ARL15: variants seen among roughly 807,000 people sequenced by gnomAD.
The protein encoded by ARL15 is ARF like GTPase 15.
Under a neutral mutation model 25.2 loss-of-function variants are expected in ARL15, and 19 were observed. That is an observed-to-expected ratio of 0.75 (90% CI 0.53 to 1.10). ARL15 has a LOEUF of 1.10. ARL15 is among the 50% of genes least tolerant of loss of function. The pLI is 0.00. For synonymous variants in ARL15, 94 were observed against 86.8 expected (o/e 1.08, Z -0.46); for missense variants, 220 against 246.0 (o/e 0.89, Z 0.71).
At chr5:53,975,364 T>C (rs966784217) in intron 4 of ARL15, among the ~76,000 whole-genome samples, 2 of 152,216 alleles carry the variant, frequency 1.3e-5, no homozygotes, top group Non-Finnish European at 2.9e-5. Context: ...GTTTCATTAA[T>C]CTAAGCACTG....
At chr5:54,193,457 T>C (rs1297761936) in intron 1 of ARL15, among the ~76,000 whole-genome samples, 2 of 152,198 alleles carry the variant, frequency 1.3e-5, no homozygotes, top group African/African-American at 2.4e-5. Flanking sequence ...GGGAGCATTG[T>C]GGCTTGAGCT....
At chr5:54,063,640 C>A (rs1215550637) in intron 4 of ARL15, among the ~76,000 whole-genome samples, 3 of 152,112 alleles carry the variant, frequency 2.0e-5, no homozygotes. Flanking sequence ...GAACTCATTT[C>A]TTGTTATTAT....
rs574987588 is a variant in ARL15 at position 53,891,311 on chromosome 5, T to TTA, written c.463-4600_463-4599dup. On this transcript the variant is annotated intron_variant, in intron 4 of 4. Coordinates refer to ENST00000504924, the MANE Select transcript of ARL15 (RefSeq NM_019087.3). ...AGAGTCATGTTCTCAGCTCAGATAT[T>TTA]TATAAACAGAGCTTTGACCCACAAG... Among the ~76,000 whole-genome samples, 30 of 152,198 alleles carry TTA rather than the reference T, an allele frequency of 2.0e-4. No homozygotes were observed. The East Asian group carries it at 5.0e-3, about 26-fold the overall frequency.
chr5:54,230,480 C>T (rs1756641102), intron 1 of ARL15, among the ~76,000 whole-genome samples: 1 of 152,050 alleles, frequency 6.6e-6, no homozygotes, highest in Non-Finnish European at 1.5e-5. Context: ...CAAAGACATG[C>T]ACCCAGATGC....
chr5:54,242,111 G>C (rs1021217022), intron 1 of ARL15, among the ~76,000 whole-genome samples: 6 of 152,046 alleles, frequency 3.9e-5, no homozygotes, highest in African/African-American at 1.4e-4. Context: ...CCTCCTGAGG[G>C]ACCTATGTGC....
At chr5:54,165,058 A>G (rs1460304499) in intron 2 of ARL15, among the ~76,000 whole-genome samples, 1 of 151,816 alleles carries the variant, frequency 6.6e-6, no homozygotes, top group Non-Finnish European at 1.5e-5. Context: ...TAGGGTTTAC[A>G]GTAAATCTTT....
At chr5:53,954,282 T>A (rs1360117905) in intron 4 of ARL15, among the ~76,000 whole-genome samples, 1 of 152,152 alleles carries the variant, frequency 6.6e-6, no homozygotes, top group Non-Finnish European at 1.5e-5. Flanking sequence ...GCTGTATATA[T>A]CCTCTCCATC....
chr5:54,258,391 C>T (rs968679848), intron 1 of ARL15, among the ~76,000 whole-genome samples: 4 of 152,270 alleles, frequency 2.6e-5, no homozygotes, highest in East Asian at 3.9e-4. Flanking sequence ...CAAGTTTTCA[C>T]ATTATTCACG....
chr5:54,184,452 AAAAAAAAAAAAAAAAAAAG>A (rs1283572036), intron 1 of ARL15, among the ~76,000 whole-genome samples: 1 of 75,846 alleles, frequency 1.3e-5, no homozygotes, highest in African/African-American at 7.7e-5. Context: ...AAAAAAAAAA[AAAAAAAAAAAAAAAAAAAG>A]AGAGAGAGAG....
intron 3 of ARL15, among the ~76,000 whole-genome samples, chr5:54,121,242 G>A (rs1384343186): frequency 1.3e-5 from 2 of 152,094 alleles, no homozygotes; most frequent in Non-Finnish European, 2.9e-5. Flanking sequence ...TGCAATATAT[G>A]ACTGCACTCA....
chr5:53,935,475 C>T (rs1746324443), intron 4 of ARL15, among the ~76,000 whole-genome samples: 3 of 152,220 alleles, frequency 2.0e-5, no homozygotes. Context: ...TGTTTCAGTA[C>T]AGTTGGTGGA....
chr5:54,280,383 A>G (rs1416451883), intron 1 of ARL15, among the ~76,000 whole-genome samples: 1 of 152,254 alleles, frequency 6.6e-6, no homozygotes, highest in Non-Finnish European at 1.5e-5. Flanking sequence ...AACCGGGGAC[A>G]AATACTCATC....
chr5:53,927,114 C>A (rs948253130), intron 4 of ARL15, among the ~76,000 whole-genome samples: 3 of 152,120 alleles, frequency 2.0e-5, no homozygotes, highest in Non-Finnish European at 4.4e-5. Context: ...TGTTGTGCAA[C>A]CATTTCCACC....
chr5:54,033,907 G>A (rs895745650), intron 4 of ARL15, among the ~76,000 whole-genome samples: 1 of 152,072 alleles, frequency 6.6e-6, no homozygotes, highest in Non-Finnish European at 1.5e-5. Flanking sequence ...TCCGCCTCCC[G>A]GGTTCACACC....
intron 1 of ARL15, among the ~76,000 whole-genome samples, chr5:54,261,099 A>G (rs1236994282): frequency 1.3e-5 from 2 of 152,216 alleles, no homozygotes; most frequent in African/African-American, 4.8e-5. Context: ...TGAGAATGTC[A>G]GAAGGTAACT....
chr5:54,228,019 A>C (rs1305792396), intron 1 of ARL15, among the ~76,000 whole-genome samples: 2 of 152,176 alleles, frequency 1.3e-5, no homozygotes, highest in Non-Finnish European at 2.9e-5. Flanking sequence ...GACAAGATAG[A>C]AGTAGAGAAG....
chr5:53,930,312 C>T (rs1746159101), intron 4 of ARL15, among the ~76,000 whole-genome samples: 1 of 152,112 alleles, frequency 6.6e-6, no homozygotes, highest in South Asian at 2.1e-4. Flanking sequence ...ATGGCTTCTC[C>T]TCCTGTTACT....
At chr5:53,978,637 G>GA (rs58627905) in intron 4 of ARL15, among the ~76,000 whole-genome samples, 2 of 125,880 alleles carry the variant, frequency 1.6e-5, no homozygotes, top group East Asian at 2.2e-4. Context: ...AAAAAAAAAA[G>GA]AAAAGAAAAG....
intron 4 of ARL15, among the ~76,000 whole-genome samples, chr5:53,911,122 T>C (rs1745450841): frequency 6.6e-6 from 1 of 152,162 alleles, no homozygotes; most frequent in South Asian, 2.1e-4. Context: ...TTCTTACTAT[T>C]TTGAGGGCTT....
Sources: gnomAD v4.1 joint callset for allele counts (sites outside exome capture counted in the v4.1 genomes callset) on GRCh38, gnomAD v4.1.1 for gene constraint, MANE v1.5 for transcripts, NCBI Gene and HGNC (gene_info 2026-07-23, HGNC 2026-07-21) for gene names.